ADAMTS9: variants seen among roughly 807,000 people sequenced by gnomAD.
ADAMTS9 encodes the protein ADAM metallopeptidase with thrombospondin type 1 motif 9.
Under a neutral mutation model 257.1 loss-of-function variants are expected in ADAMTS9, and 107 were observed. The ratio of observed to expected loss-of-function variants is 0.42; its 90% CI spans 0.36 to 0.49. ADAMTS9 has a LOEUF of 0.49. Among genes scored for constraint, ADAMTS9 ranks in the 20% least tolerant of loss-of-function variants. ADAMTS9 has a pLI of 0.03. For synonymous variants in ADAMTS9, 982 were observed against 880.9 expected, an observed-to-expected ratio of 1.11 and a Z score of -2.03; for missense variants, 2,353 against 2,469.1, an observed-to-expected ratio of 0.95 and a Z score of 1.00.
At chr3:64,635,755 CT>C (rs1024474453) in intron 12 of ADAMTS9, among the ~76,000 whole-genome samples, 3 of 151,596 alleles carry the variant, frequency 2.0e-5, no homozygotes, top group East Asian at 1.9e-4. Context: ...GTTTCAGAGT[CT>C]TTTTTTTTCT....
intron 22 of ADAMTS9, 27 bp downstream of exon 22, chr3:64,613,318 A>C (rs1456417571): frequency 6.2e-7 from 1 of 1,607,736 alleles, no homozygotes; most frequent in African/African-American, 1.3e-5. Context: ...AGAATGTAGC[A>C]GTTAAGAATC....
intron 29 of ADAMTS9, among the ~76,000 whole-genome samples, chr3:64,562,784 A>G (rs913358725): frequency 6.6e-6 from 1 of 152,230 alleles, no homozygotes; most frequent in African/African-American, 2.4e-5. Context: ...TGAAAAAATT[A>G]TTTTCCAATT....
intron 39 of ADAMTS9, among the ~76,000 whole-genome samples, chr3:64,517,423 T>G (rs78987339): frequency 5.2e-4 from 60 of 114,328 alleles, no homozygotes; most frequent in African/African-American, 2.3e-3. Context: ...ATGGTTTTTT[T>G]TTTTTTTTTT....
intron 4 of ADAMTS9, among the ~76,000 whole-genome samples, chr3:64,656,713 G>A (rs2106963056): frequency 1.3e-5 from 2 of 152,238 alleles, no homozygotes; most frequent in African/African-American, 4.8e-5. Flanking sequence ...TCCCTCATGG[G>A]CATGAGAGGG....
intron 10 of ADAMTS9, 121 bp from the exon 11 acceptor site, chr3:64,648,165 T>A (rs1488612481): frequency 1.0e-5 from 9 of 870,212 alleles, no homozygotes; most frequent in Admixed American, 1.0e-4. Context: ...GGGAAGGAAA[T>A]TCTTTTCTTG....
At chr3:64,529,026 G>A (rs2082945277) in intron 38 of ADAMTS9, among the ~76,000 whole-genome samples, 1 of 152,184 alleles carries the variant, frequency 6.6e-6, no homozygotes, top group Non-Finnish European at 1.5e-5. Context: ...CTGAGTTGCG[G>A]CAGGTTGGAG....
At chr3:64,548,343 C>T (rs2083228137) in intron 31 of ADAMTS9, among the ~76,000 whole-genome samples, 1 of 152,166 alleles carries the variant, frequency 6.6e-6, no homozygotes, top group Non-Finnish European at 1.5e-5. Flanking sequence ...CCTTCTTTGG[C>T]TGCTGCTGTT....
At chr3:64,565,702 T>C (rs2083528061) in intron 29 of ADAMTS9, 1 of 152,242 alleles carries the variant, frequency 6.6e-6, no homozygotes, top group South Asian at 2.1e-4. Context: ...AGTCTTCACA[T>C]TTGTCAGTCT....
chr3:64,657,896 G>A (rs1227110476), intron 4 of ADAMTS9, among the ~76,000 whole-genome samples: 1 of 152,094 alleles, frequency 6.6e-6, no homozygotes, highest in African/African-American at 2.4e-5. Flanking sequence ...CAAATTTACT[G>A]TGGTTTTAAT....
intron 11 of ADAMTS9, among the ~76,000 whole-genome samples, chr3:64,647,727 G>T (rs2106937958): frequency 6.6e-6 from 1 of 152,358 alleles, no homozygotes; most frequent in Middle Eastern, 3.4e-3. Flanking sequence ...AAGCAATAAT[G>T]ATAGGTATAT....
chr3:64,519,991 A>G (rs948687784), intron 39 of ADAMTS9, among the ~76,000 whole-genome samples: 2 of 152,200 alleles, frequency 1.3e-5, no homozygotes, highest in African/African-American at 4.8e-5. Context: ...AGAGGAAAAG[A>G]GGAAGTCAAA....
rs145946079 is a variant in ADAMTS9, at chr3:64,554,746, C to T, written c.4699-3684G>A. Among the ~76,000 whole-genome samples the T allele has an allele frequency of 2.1e-4, 32 of 152,264 alleles. No individual in the cohort carries two copies. The East Asian group carries it at 5.0e-3, about 24-fold the overall frequency. On this transcript the variant is annotated intron_variant, in intron 30 of 39. Coordinates refer to ENST00000498707, the MANE Select transcript of ADAMTS9 (RefSeq NM_182920.2). ...CAGTGCTGGACTAAATCGGGCAGCT[C>T]GCCCATTGTTCTGCAAGCTACATGT...
chr3:64,600,798 G>A (rs1489007652), intron 26 of ADAMTS9, among the ~76,000 whole-genome samples: 2 of 152,184 alleles, frequency 1.3e-5, no homozygotes, highest in Admixed American at 1.3e-4. Context: ...AATGCTCAGT[G>A]GCTAATTAGT....
At position 64,633,602 on chromosome 3, in the gene ADAMTS9, A is replaced by C. The variant is rs753218789; in HGVS notation, c.2045T>G (p.Met682Arg). Residue 682 changes from methionine (M) to arginine (R), a missense_variant, in exon 14 of 40, where the codon ATG becomes AGG. Transcript: ENST00000498707. ...GCAGAACAACTTGCACCGGTCCTTC[A>C]TCAGAACTAGAGAGGAGAAACAATA... is the stretch of plus-strand genomic sequence containing the variant. Reference protein sequence around the residue: ...RWVPKYSGILMKDRCKLFCRV... With the variant: ...RWVPKYSGILRKDRCKLFCRV... 2 of 1,614,126 alleles carry C rather than the reference A, an allele frequency of 1.2e-6. No individual in the cohort carries two copies. The highest frequency in any genetic ancestry group is 3.3e-5 in the Admixed American group (2 of 60,018).
chr3:64,618,671 C>A (rs1281469947), intron 19 of ADAMTS9, among the ~76,000 whole-genome samples: 4 of 152,256 alleles, frequency 2.6e-5, no homozygotes, highest in Non-Finnish European at 1.5e-5. Flanking sequence ...TAGCATTTCA[C>A]ACATATGGCA....
intron 30 of ADAMTS9, among the ~76,000 whole-genome samples, chr3:64,555,723 G>C (rs576921678): frequency 3.0e-4 from 45 of 152,328 alleles, no homozygotes; most frequent in African/African-American, 1.0e-3. Flanking sequence ...GAGAATGATG[G>C]AGGACATCAG....
intron 28 of ADAMTS9, among the ~76,000 whole-genome samples, chr3:64,590,357 C>T (rs996076252): frequency 6.6e-6 from 1 of 152,130 alleles, no homozygotes; most frequent in Admixed American, 6.5e-5. Flanking sequence ...CCAAAAGAAA[C>T]ATATACATTC....
intron 22 of ADAMTS9, among the ~76,000 whole-genome samples, chr3:64,610,080 T>A (rs1370607362): frequency 1.3e-5 from 2 of 152,210 alleles, no homozygotes; most frequent in East Asian, 3.8e-4. Flanking sequence ...AACCATGATG[T>A]TGGAATCCTG....
At chr3:64,647,422 G>C (rs1046028168) in intron 11 of ADAMTS9, among the ~76,000 whole-genome samples, 1 of 152,128 alleles carries the variant, frequency 6.6e-6, no homozygotes, top group Non-Finnish European at 1.5e-5. Context: ...ATTATAACCA[G>C]CTCACGAGAA....
Sources: gnomAD v4.1 joint callset for allele counts (sites outside exome capture counted in the v4.1 genomes callset) on GRCh38, gnomAD v4.1.1 for gene constraint, MANE v1.5 for transcripts, NCBI Gene and HGNC (gene_info 2026-07-23, HGNC 2026-07-21) for gene names.